CEP89: variants seen among roughly 807,000 people sequenced by gnomAD.
The protein encoded by CEP89 is centrosomal protein 89.
In CEP89, 95 loss-of-function variants were observed where a neutral mutation model predicts 97.6. The ratio of observed to expected loss-of-function variants is 0.97; its 90% CI spans 0.82 to 1.15. CEP89 has a LOEUF of 1.15. CEP89 is among the 50% of genes most tolerant of loss of function. CEP89 has a pLI of 0.00. For missense variants in CEP89, 869 were observed against 947.7 expected (o/e 0.92, Z 1.09); for synonymous variants, 354 against 349.1 (o/e 1.01, Z -0.16).
In CEP89 at chr19:32,936,113, C is replaced by T. The variant is rs994181600; in HGVS notation, c.667+1518G>A. 1.3e-5 allele frequency among the ~76,000 whole-genome samples: 2 copies of T among 152,110 alleles called. No individual in the cohort carries two copies. Among genetic ancestry groups the T allele is most frequent in the African/African-American group, 2.4e-5 (1 of 41,426 alleles). On this transcript the variant is annotated intron_variant, in intron 7 of 18. Coordinates refer to ENST00000305768, the MANE Select transcript of CEP89 (RefSeq NM_032816.5). The surrounding 1 kb of genome is among the most constrained non-coding windows in gnomAD (Gnocchi z 4.5). Reference sequence around the variant, plus strand: ...GGGCCTGGGAAGGCTCCCGTGTCCCCGCAGGCTTATGGGTGTTTGCTCTAG... The same window carrying T: ...GGGCCTGGGAAGGCTCCCGTGTCCCTGCAGGCTTATGGGTGTTTGCTCTAG...
intron 2 of CEP89, among the ~76,000 whole-genome samples, chr19:32,960,749 ACTATGAGC>A (rs200141359): frequency 0.028 from 4,285 of 151,896 alleles, 129 homozygotes; most frequent in Non-Finnish European, 0.034. Context: ...GGTGGAGGTT[ACTATGAGC>A]CTACATTGCA....
chr19:32,907,671 T>C (rs2897034), intron 14 of CEP89, among the ~76,000 whole-genome samples: 103,839 of 151,952 alleles, frequency 0.68, 35,809 homozygotes, highest in African/African-American at 0.75. Context: ...AGGCTGGTCT[T>C]GATCTCCTGA....
chr19:32,886,761 G>GA (rs11464126), intron 17 of CEP89, among the ~76,000 whole-genome samples: 12,319 of 151,658 alleles, frequency 0.081, 1,549 homozygotes, highest in African/African-American at 0.27. Flanking sequence ...AAGAAAGAGA[G>GA]AAAAGAAAAA....
Position 32,894,818 on chromosome 19 carries a change from C to T in CEP89, c.1875+5039G>A, listed in dbSNP as rs117347058. On this transcript the variant is annotated intron_variant, in intron 16 of 18. Coordinates refer to ENST00000305768, the MANE Select transcript of CEP89 (RefSeq NM_032816.5). ...ACTCTGTCTCTCAGAGTGACTTCTG[C>T]TATGCAATAGACTTCTTCACCTGCT... is the stretch of plus-strand genomic sequence containing the variant. Among the ~76,000 whole-genome samples the T allele has an allele frequency of 7.3e-4, 111 of 152,310 alleles. 1 individual carries two copies. In the East Asian group the frequency reaches 0.019, roughly 26 times the overall value.
At chr19:32,891,114 G>A (rs10404536) in intron 16 of CEP89, among the ~76,000 whole-genome samples, 110,299 of 152,086 alleles carry the variant, frequency 0.73, 40,693 homozygotes, top group Non-Finnish European at 0.8. Flanking sequence ...GCCGAAGCAA[G>A]TGCTCCCCAA....
At chr19:32,930,796 G>A (rs984591537) in intron 9 of CEP89, among the ~76,000 whole-genome samples, 7 of 152,174 alleles carry the variant, frequency 4.6e-5, no homozygotes, top group African/African-American at 1.4e-4. Context: ...CTTTCCTTTC[G>A]AAGTTAATGC....
intron 18 of CEP89, among the ~76,000 whole-genome samples, chr19:32,880,283 C>A (rs186731102): frequency 3.3e-5 from 5 of 152,316 alleles, no homozygotes; most frequent in Admixed American, 1.3e-4. Flanking sequence ...GGACTTCGCA[C>A]CACGGTTTAA....
chr19:32,882,024 G>T lies in CEP89; in HGVS notation c.1966-11C>A. On this transcript the variant is annotated splice_polypyrimidine_tract_variant and intron_variant, in intron 17 of 18. Transcript: ENST00000305768. The stretch of plus-strand genomic sequence containing the variant: ...CTGCTTCTTGTAGCCCTGGTCGGGG[G>T]AAGGACTCTGTGAATGAGGGGACGC... 1 of 1,555,698 alleles carries T rather than the reference G, an allele frequency of 6.4e-7. No homozygotes were observed. Among genetic ancestry groups the T allele is most frequent in the Non-Finnish European group, 8.7e-7 (1 of 1,150,184 alleles).
intron 9 of CEP89, among the ~76,000 whole-genome samples, chr19:32,927,940 C>T (rs1382211701): frequency 2.5e-5 from 3 of 121,778 alleles, no homozygotes; most frequent in African/African-American, 9.4e-5. Context: ...TTTTTTGAGA[C>T]AGTCTCGCTC....
Position 32,926,289 on chromosome 19 carries a change from A to G in CEP89, c.1081-16T>C. The stretch of plus-strand genomic sequence containing the variant: ...TTATATCCAACTGAAGATAGAGAGT[A>G]AAGGAAGGTTAATATATTTCTTACA... On this transcript the variant is annotated splice_polypyrimidine_tract_variant and intron_variant, in intron 10 of 18. Transcript: ENST00000305768. 1 of 1,567,132 alleles carries G rather than the reference A, an allele frequency of 6.4e-7. No individual in the cohort carries two copies. The highest frequency in any genetic ancestry group is 1.4e-5 in the African/African-American group (1 of 74,026).
chr19:32,925,159 C>T (rs1033039759), intron 11 of CEP89, among the ~76,000 whole-genome samples: 4 of 152,074 alleles, frequency 2.6e-5, no homozygotes, highest in Non-Finnish European at 5.9e-5. Flanking sequence ...CCCAGAACAA[C>T]CAACATTTCT....
intron 9 of CEP89, among the ~76,000 whole-genome samples, chr19:32,927,919 CTT>C (rs1353769739): frequency 1.2e-4 from 8 of 65,606 alleles, no homozygotes; most frequent in Admixed American, 1.7e-4. Context: ...TTTTTTTTTT[CTT>C]TTTTTTTTTT....
At chr19:32,908,678 C>T (rs1416770101) in intron 14 of CEP89, among the ~76,000 whole-genome samples, 2 of 152,148 alleles carry the variant, frequency 1.3e-5, no homozygotes, top group Admixed American at 1.3e-4. Flanking sequence ...AAGTGCCCTC[C>T]GACAGCCTCC....
At chr19:32,917,830 CAG>C in intron 13 of CEP89, 2 of 982,868 alleles carry the variant, frequency 2.0e-6, no homozygotes, top group African/African-American at 1.7e-5. Context: ...AGGAAGGACA[CAG>C]GGGAACTGTT....
At chr19:32,915,199 C>A in intron 14 of CEP89, 138 bp downstream of exon 14, 1 of 749,306 alleles carries the variant, frequency 1.3e-6, no homozygotes, top group Non-Finnish European at 2.1e-6. Flanking sequence ...TGGCTCATGC[C>A]TGTAATCCCA....
intron 3 of CEP89, among the ~76,000 whole-genome samples, chr19:32,954,357 GTTTTTTGT>G (rs956674452): frequency 1.1e-4 from 16 of 140,642 alleles, no homozygotes; most frequent in African/African-American, 4.2e-4. Context: ...ATGAATAAGG[GTTTTTTGT>G]TTTTTTGTTT....
At chr19:32,900,623 C>T (rs1969746018) in intron 15 of CEP89, among the ~76,000 whole-genome samples, 1 of 151,266 alleles carries the variant, frequency 6.6e-6, no homozygotes, top group Non-Finnish European at 1.5e-5. Flanking sequence ...AAGGCACTTT[C>T]GAAAAAAAGA....
chr19:32,953,166 C>T (rs1970961216), intron 4 of CEP89, among the ~76,000 whole-genome samples: 1 of 150,612 alleles, frequency 6.6e-6, no homozygotes, highest in Admixed American at 6.7e-5. Flanking sequence ...CAGTGGGGGT[C>T]AGCTAAGATA....
Position 32,939,853 on chromosome 19 carries a change from T to G in CEP89, c.624+4A>C, listed in dbSNP as rs1324372662. Reference sequence around the variant, plus strand: ...AAATCAGTTTTTAAAAAAAATGATCTTACCTTTAAATTCAGAACAGGGTGT... The same window carrying G: ...AAATCAGTTTTTAAAAAAAATGATCGTACCTTTAAATTCAGAACAGGGTGT... On this transcript the variant is annotated splice_donor_region_variant and intron_variant, in intron 6 of 18. Transcript: ENST00000305768. 8.2e-7 allele frequency: 1 copy of G among 1,225,290 alleles called. No homozygotes were observed. The highest frequency in any genetic ancestry group is 1.5e-5 in the African/African-American group (1 of 66,136). The allele number at this position is 1,225,290 out of a possible 1,614,324, so 75.9% of individuals were successfully genotyped here.
Sources: allele counts gnomAD v4.1 joint callset (sites outside exome capture counted in the v4.1 genomes callset), GRCh38; gene constraint gnomAD v4.1.1; non-coding constraint Gnocchi (gnomAD v3.1); transcripts MANE v1.5; gene names NCBI Gene and HGNC (gene_info 2026-07-23, HGNC 2026-07-21).